PRDM10: variants seen among roughly 807,000 people sequenced by gnomAD.
PRDM10 encodes the protein PR/SET domain 10.
A neutral mutation model predicts 133.1 loss-of-function variants in PRDM10; 65 were observed. The ratio of observed to expected loss-of-function variants is 0.49; its 90% confidence interval spans 0.40 to 0.60. The LOEUF is 0.60. PRDM10 is among the 20% of genes least tolerant of loss of function. The pLI is 0.00. For missense variants in PRDM10, 1,137 were observed against 1,507.1 expected, an observed-to-expected ratio of 0.75 and a Z score of 4.07; for synonymous variants, 582 against 580.4, an observed-to-expected ratio of 1.00 and a Z score of -0.04.
At chr11:129,970,968 G>A (rs1353751291) in intron 1 of PRDM10, among the ~76,000 whole-genome samples, 1 of 152,128 alleles carries the variant, frequency 6.6e-6, no homozygotes, top group Admixed American at 6.6e-5. Context: ...CGAAATTGGT[G>A]GGTTCTGGGT....
intron 1 of PRDM10, among the ~76,000 whole-genome samples, chr11:129,978,026 A>ATT (rs10556101): frequency 6.7e-6 from 1 of 148,890 alleles, no homozygotes; most frequent in Non-Finnish European, 1.5e-5. Context: ...GATTTCAACA[A>ATT]TTTTTTTTTT....
chr11:129,913,753 C>T (rs556225362), intron 17 of PRDM10, among the ~76,000 whole-genome samples: 88 of 152,282 alleles, frequency 5.8e-4, no homozygotes, highest in African/African-American at 1.8e-3. Context: ...GAATAGTCAA[C>T]GACAGTGGCA....
Position 129,923,361 on chromosome 11 carries a change from G to T in PRDM10, c.1921C>A (p.Gln641Lys). 6.2e-7 allele frequency: 1 copy of T among 1,612,548 alleles called. No individual in the cohort carries two copies. Among genetic ancestry groups the T allele is most frequent in the Non-Finnish European group, 8.5e-7 (1 of 1,179,504 alleles). The change falls in exon 13 of 21, where the codon CAG (glutamine) becomes AAG (lysine). Residue 641 changes from glutamine to lysine, a missense_variant. By Grantham distance (53) the Gln-to-Lys change is moderately conservative (BLOSUM62 1). Transcript: ENST00000360871. The surrounding 1 kb of genome is among the most constrained non-coding windows in gnomAD (Gnocchi z 4.4). ...AAGGCCTTGTCACACTCTGTGCACT[G>T]GTAGATCTTTTCTGAGTGGAAGCTG... is the stretch of plus-strand genomic sequence containing the variant. ...VRSFHSEKIY[Q>K]CTECDKAFCR...
chr11:129,926,887 C>T (rs1484266825), intron 11 of PRDM10, among the ~76,000 whole-genome samples: 1 of 152,164 alleles, frequency 6.6e-6, no homozygotes, highest in Non-Finnish European at 1.5e-5. Flanking sequence ...GATTTTTCTA[C>T]AGCATCTGCA....
At chr11:129,944,713 A>G (rs1951347180) in intron 6 of PRDM10, 58 bp downstream of exon 6, 1 of 1,592,806 alleles carries the variant, frequency 6.3e-7, no homozygotes, top group South Asian at 1.1e-5. Flanking sequence ...TAGACAACGC[A>G]GTGCTCCTTC....
At chr11:129,931,571 A>AT (rs200453898) in intron 10 of PRDM10, among the ~76,000 whole-genome samples, 4,309 of 135,388 alleles carry the variant, frequency 0.032, 257 homozygotes, top group African/African-American at 0.11. Context: ...ATTTTATTTT[A>AT]TTTTATTTTT....
chr11:129,983,133 C>G lies in PRDM10; in HGVS notation c.-119+19589G>C, dbSNP rs181218084. On this transcript the variant is annotated intron_variant, in intron 1 of 20. Transcript: ENST00000360871. ...CTGGGATTACAGGTGCGCACCACCACGCCCAGCTAATTTTTTGTATTTTTA... is the reference window on the plus strand; with the variant it reads ...CTGGGATTACAGGTGCGCACCACCAGGCCCAGCTAATTTTTTGTATTTTTA... Among the ~76,000 whole-genome samples, 12 of 151,994 alleles carry G rather than the reference C, an allele frequency of 7.9e-5. No homozygotes were observed. The South Asian group carries it at 2.5e-3, about 32-fold the overall frequency.
chr11:129,965,576 C>T (rs1448223916), intron 1 of PRDM10, among the ~76,000 whole-genome samples: 2 of 152,114 alleles, frequency 1.3e-5, no homozygotes, highest in Admixed American at 1.3e-4. Flanking sequence ...ATCTTCTGTC[C>T]TTTTCCCCCT....
intron 18 of PRDM10, among the ~76,000 whole-genome samples, chr11:129,911,068 G>A (rs139647807): frequency 0.029 from 4,425 of 152,246 alleles, 221 homozygotes; most frequent in African/African-American, 0.1. Flanking sequence ...GAGACACAAC[G>A]CCTGGCCTAT....
chr11:129,929,963 A>G (rs1950801133), intron 11 of PRDM10, among the ~76,000 whole-genome samples: 1 of 152,220 alleles, frequency 6.6e-6, no homozygotes, highest in South Asian at 2.1e-4. Flanking sequence ...GAAATAATAT[A>G]CAGTGAGCTG....
Position 129,937,687 on chromosome 11 carries a change from TATC to T in PRDM10, c.967-20_967-18del. On this transcript the variant is annotated intron_variant, in intron 7 of 20. Coordinates refer to ENST00000360871, the MANE Select transcript of PRDM10 (RefSeq NM_199437.2). ...ATACCACACCTGCAAGAAGCAAGTA[TATC>T]ATCAAGAACTGGGGACATCACCAGA... is the stretch of plus-strand genomic sequence containing the variant. 1.2e-6 allele frequency: 2 copies of T among 1,609,156 alleles called. No homozygotes were observed. Among genetic ancestry groups the T allele is most frequent in the South Asian group, 1.1e-5 (1 of 89,990 alleles).
At chr11:129,951,015 C>T (rs936791984) in intron 4 of PRDM10, among the ~76,000 whole-genome samples, 2 of 152,170 alleles carry the variant, frequency 1.3e-5, no homozygotes, top group African/African-American at 4.8e-5. Context: ...GAGGCTGGCT[C>T]TAAAAGCGGA....
Position 129,918,464 on chromosome 11 carries a change from C to T in PRDM10, c.2214+75G>A. Reference sequence around the variant, plus strand: ...CGATATAACTTAGGACACAATGCAACACAAACGTCACCATCATCGACAGCA... The same window carrying T: ...CGATATAACTTAGGACACAATGCAATACAAACGTCACCATCATCGACAGCA... On this transcript the variant is annotated intron_variant, in intron 14 of 20. Transcript: ENST00000360871. The surrounding 1 kb of genome is among the most constrained non-coding windows in gnomAD (Gnocchi z 5.3). The T allele has an allele frequency of 4.0e-6, 6 of 1,514,896 alleles. No homozygotes were observed. The highest frequency in any genetic ancestry group is 5.3e-6 in the Non-Finnish European group (6 of 1,121,842). 93.8% of individuals were successfully genotyped at this position (1,514,896 alleles called of 1,614,324 possible).
chr11:129,915,906 T>C (rs1007855161), intron 15 of PRDM10, 46 bp from the exon 16 acceptor site: 2 of 1,539,380 alleles, frequency 1.3e-6, no homozygotes, highest in African/African-American at 2.9e-5. Context: ...ACAGTTCCAC[T>C]TTCTTGCTTA....
chr11:129,947,025 C>A lies in PRDM10; in HGVS notation c.520+120G>T. The A allele has an allele frequency of 7.4e-7, 1 of 1,356,438 alleles. No homozygotes were observed. The highest frequency in any genetic ancestry group is 1.0e-6 in the Non-Finnish European group (1 of 987,222). The allele number at this position is 1,356,438 out of a possible 1,614,324, so 84.0% of individuals were successfully genotyped here. A position where few individuals can be genotyped will look rare whatever the true frequency, so the allele number is the denominator to read the frequency against. On this transcript the variant is annotated intron_variant, in intron 5 of 20. Transcript: ENST00000360871. This position sits in a 1 kb window ranked among gnomAD's most constrained non-coding sequence, Gnocchi z 4.6. Reference sequence around the variant, plus strand: ...GGGATGAAGCAAGCAGAGAATGTAGCACAGTTGGCTGCACACGGAAGGACC... The same window carrying A: ...GGGATGAAGCAAGCAGAGAATGTAGAACAGTTGGCTGCACACGGAAGGACC...
chr11:129,930,780 C>T (rs1232497108), intron 11 of PRDM10, among the ~76,000 whole-genome samples: 3 of 152,208 alleles, frequency 2.0e-5, no homozygotes, highest in Admixed American at 1.3e-4. Flanking sequence ...ACCTCTAGGC[C>T]TCTGTGTCGT....
chr11:129,935,267 A>G, intron 8 of PRDM10, 49 bp from the exon 9 acceptor site: 3 of 1,408,780 alleles, frequency 2.1e-6, no homozygotes, highest in Non-Finnish European at 3.0e-6. Flanking sequence ...AATAGACACC[A>G]GTAAAACTCA....
At chr11:129,922,910 CA>C (rs1950558399) in intron 13 of PRDM10, among the ~76,000 whole-genome samples, 1 of 152,138 alleles carries the variant, frequency 6.6e-6, no homozygotes, top group Non-Finnish European at 1.5e-5. Flanking sequence ...CAGTGCTCAA[CA>C]AAAACCTCCT....
At chr11:129,974,448 G>A (rs1428359170) in intron 1 of PRDM10, among the ~76,000 whole-genome samples, 2 of 152,146 alleles carry the variant, frequency 1.3e-5, no homozygotes, top group African/African-American at 4.8e-5. Context: ...TGGGAGTGGG[G>A]AAGAGTCTAA....
Sources: allele counts gnomAD v4.1 joint callset (sites outside exome capture counted in the v4.1 genomes callset), GRCh38; gene constraint gnomAD v4.1.1; non-coding constraint Gnocchi (gnomAD v3.1); transcripts MANE v1.5; gene names NCBI Gene and HGNC (gene_info 2026-07-23, HGNC 2026-07-21).